The following IL31RA variants were observed in gnomAD, a reference collection of about 807,000 sequenced individuals.
IL31RA encodes the protein interleukin-31 receptor subunit alpha.
A neutral mutation model predicts 83.7 loss-of-function variants in IL31RA; 66 were observed. That is an observed-to-expected ratio of 0.79 (90% CI 0.65 to 0.97). The LOEUF (loss-of-function observed/expected upper bound fraction) is 0.97. Ranked by LOEUF, IL31RA falls within the 50% of genes least tolerant of loss-of-function variation. The pLI is 0.00. For synonymous variants in IL31RA, 325 were observed against 329.0 expected, an observed-to-expected ratio of 0.99 and a Z score of 0.13; for missense variants, 798 against 919.4, an observed-to-expected ratio of 0.87 and a Z score of 1.71.
intron 5 of IL31RA, among the ~76,000 whole-genome samples, chr5:55,883,791 T>C (rs540846709): frequency 4.9e-4 from 74 of 152,342 alleles, no homozygotes; most frequent in Non-Finnish European, 7.9e-4. Context: ...TAAGAGACTA[T>C]GCCCTGTTTC....
chr5:55,914,816 A>C, intron 13 of IL31RA, 31 bp from the exon 14 acceptor site: 1 of 1,499,962 alleles, frequency 6.7e-7, no homozygotes, highest in African/African-American at 1.4e-5. Context: ...CTTGGATTCA[A>C]TTCCCATCTT....
At chr5:55,895,410 G>A (rs1458315799) in intron 6 of IL31RA, among the ~76,000 whole-genome samples, 1 of 152,174 alleles carries the variant, frequency 6.6e-6, no homozygotes, top group Non-Finnish European at 1.5e-5. Flanking sequence ...GCTTGAGACA[G>A]GATATTTGAG....
chr5:55,884,606 T>A (rs564900728), intron 5 of IL31RA, among the ~76,000 whole-genome samples: 2 of 152,290 alleles, frequency 1.3e-5, no homozygotes, highest in East Asian at 1.9e-4. Flanking sequence ...GGCTGATTTT[T>A]AAATTTTTTT....
At chr5:55,853,665 C>G (rs1745193424) in intron 1 of IL31RA, 2 of 1,246,938 alleles carry the variant, frequency 1.6e-6, no homozygotes, top group South Asian at 2.8e-5. Flanking sequence ...ATGGGTCAGA[C>G]CCACCACGTG....
chr5:55,899,428 G>T (rs1472883808), intron 7 of IL31RA, among the ~76,000 whole-genome samples: 1 of 152,206 alleles, frequency 6.6e-6, no homozygotes, highest in Non-Finnish European at 1.5e-5. Context: ...ACGCCTGGCT[G>T]GGGCGCCTGG....
rs530447927 is a variant in IL31RA, at chr5:55,898,956, G to A, written c.853-960G>A. On this transcript the variant is annotated intron_variant, in intron 7 of 14. Transcript: ENST00000652347. ...GGAGAATTGCTGGAATCCAAGAGGC[G>A]GAGGTTGCAGTGAGCCAAGATCAGG... Among the ~76,000 whole-genome samples the A allele has an allele frequency of 7.2e-5, 11 of 152,160 alleles. No individual in the cohort carries two copies. The South Asian group carries it at 1.7e-3, about 23-fold the overall frequency.
intron 4 of IL31RA, among the ~76,000 whole-genome samples, chr5:55,876,728 T>C (rs568985111): frequency 6.6e-6 from 1 of 152,302 alleles, no homozygotes; most frequent in Admixed American, 6.5e-5. Flanking sequence ...TTAGTCTTTG[T>C]AGATAGCATA....
chr5:55,867,264 T>C (rs1378781713), intron 2 of IL31RA, among the ~76,000 whole-genome samples: 8 of 9,502 alleles, frequency 8.4e-4, no homozygotes, highest in African/African-American at 1.5e-3. Context: ...CGTGTGTTTG[T>C]GTGCGTGTGT....
chr5:55,886,884 C>T (rs1177174620), intron 5 of IL31RA, among the ~76,000 whole-genome samples: 1 of 152,210 alleles, frequency 6.6e-6, no homozygotes, highest in African/African-American at 2.4e-5. Context: ...TGACATATTT[C>T]CTTCTGAGGG....
intron 2 of IL31RA, among the ~76,000 whole-genome samples, chr5:55,863,183 C>T (rs996350208): frequency 5.3e-5 from 8 of 152,130 alleles, no homozygotes; most frequent in African/African-American, 9.7e-5. Context: ...TCCCTCAACC[C>T]CCTAATCTGT....
Position 55,890,092 on chromosome 5 carries a change from G to A in IL31RA, c.729G>A (p.Trp243Ter), listed in dbSNP as rs770649209. 6.2e-7 allele frequency: 1 copy of A among 1,613,894 alleles called. No individual in the cohort carries two copies. The highest frequency in any genetic ancestry group is 8.5e-7 in the Non-Finnish European group (1 of 1,179,848). The change falls in exon 6 of 15, where the codon TGG (tryptophan) becomes TGA (stop). Residue 243 changes from tryptophan to a stop codon, truncating the protein, a stop_gained. Transcript: ENST00000652347. LOFTEE classifies it high-confidence loss of function. The stretch of plus-strand genomic sequence containing the variant: ...GTGCGGTCAAGGAGTCAAAGTTCTG[G>A]AGTGACTGGAGCCAAGAAAAAATGG... ...LRCAVKESKF[W>*]SDWSQEKMGM...
chr5:55,871,034 T>C (rs1245233019), intron 3 of IL31RA, among the ~76,000 whole-genome samples: 1 of 152,252 alleles, frequency 6.6e-6, no homozygotes, highest in African/African-American at 2.4e-5. Context: ...CTGGACATTT[T>C]AAAAGTGCCT....
At chr5:55,839,861 T>C in the IL31RA span, 2 of 742,830 alleles carry the variant, frequency 2.7e-6, no homozygotes, top group Non-Finnish European at 5.0e-6. Flanking sequence ...AACAAAAGCC[T>C]TGTCACCCAG....
upstream of IL31RA, among the ~76,000 whole-genome samples, chr5:55,846,359 G>T (rs1419130323): frequency 6.6e-6 from 1 of 152,146 alleles, no homozygotes; most frequent in African/African-American, 2.4e-5. Flanking sequence ...GATGCGTATT[G>T]TTTGGTTCTC....
intron 8 of IL31RA, among the ~76,000 whole-genome samples, chr5:55,905,372 G>A (rs1749084421): frequency 6.6e-6 from 1 of 152,168 alleles, no homozygotes; most frequent in Non-Finnish European, 1.5e-5. Context: ...CTGCCTTGCT[G>A]CACCTCCAAG....
At chr5:55,850,708 A>G (rs765030631), upstream of IL31RA, among the ~76,000 whole-genome samples, 1 of 152,194 alleles carries the variant, frequency 6.6e-6, no homozygotes, top group Non-Finnish European at 1.5e-5. Flanking sequence ...AACCAATCTT[A>G]TGATTTTTGT....
At chr5:55,841,696 C>T in the IL31RA span, among the ~76,000 whole-genome samples, 1 of 152,176 alleles carries the variant, frequency 6.6e-6, no homozygotes, top group Non-Finnish European at 1.5e-5. Flanking sequence ...TTTCACATTC[C>T]CATGTGAGAG....
Position 55,853,431 on chromosome 5 carries a change from C to G in IL31RA, c.63+1798C>G, listed in dbSNP as rs924371491. On this transcript the variant is annotated intron_variant, in intron 1 of 14. Transcript: ENST00000652347. ...CGCAGACAATCAGAGTGGAAACACT[C>G]CCACATCTTAGTGTGGATAAATTAA... 6.6e-6 allele frequency: 10 copies of G among 1,512,926 alleles called. No homozygotes were observed. The African/African-American group carries it at 9.7e-5, about 15-fold the overall frequency. The allele number at this position is 1,512,926 out of a possible 1,614,324, so 93.7% of individuals were successfully genotyped here. A position where few individuals can be genotyped will look rare whatever the true frequency, so the allele number is the denominator to read the frequency against.
Position 55,919,850 on chromosome 5 carries a change from GCA to G in IL31RA, c.*2732_*2733del, listed in dbSNP as rs1750001126. On this transcript the variant is annotated 3_prime_UTR_variant, in exon 15 of 15. Transcript: ENST00000652347. ...GAGTCACCAACTGTCCCCGCTCTGG[GCA>G]CCAGGGACTGCCTCTGTGGCTGGAG... is the stretch of plus-strand genomic sequence containing the variant. Among the ~76,000 whole-genome samples, 1 of 152,168 alleles carries G rather than the reference GCA, an allele frequency of 6.6e-6. No homozygotes were observed. The highest frequency in any genetic ancestry group is 6.5e-5 in the Admixed American group (1 of 15,276).
Sources: gnomAD v4.1 joint callset for allele counts (sites outside exome capture counted in the v4.1 genomes callset) on GRCh38, gnomAD v4.1.1 for gene constraint, MANE v1.5 for transcripts, NCBI Gene and HGNC (gene_info 2026-07-23, HGNC 2026-07-21) for gene names.